Variants in RANBP2 observed in about 807,000 individuals in gnomAD.
RANBP2 encodes E3 SUMO-protein ligase RanBP2.
A neutral mutation model predicts 303.6 loss-of-function variants in RANBP2; 57 were observed. The observed-to-expected ratio is 0.19, with a 90% CI of 0.15 to 0.23. The LOEUF (loss-of-function observed/expected upper bound fraction) is 0.23, where lower values mean the gene tolerates loss of function less well. RANBP2 is among the 10% of genes least tolerant of loss of function. The pLI, the probability that RANBP2 is intolerant of heterozygous loss-of-function variation, is 1.00. For missense variants in RANBP2, 3,138 were observed against 3,780.8 expected (o/e 0.83, Z 4.46); for synonymous variants, 1,167 against 1,301.5 (o/e 0.90, Z 2.23).
At chr2:108,777,039 C>G in intron 24 of RANBP2, 91 bp from the exon 25 acceptor site, 1 of 1,087,530 alleles carries the variant, frequency 9.2e-7, no homozygotes, top group Non-Finnish European at 1.4e-6. Flanking sequence ...CCAGAGTATA[C>G]AAGTCTCTAC....
At chr2:109,506,051 A>C in the RANBP2 span, among the ~76,000 whole-genome samples, 1 of 152,200 alleles carries the variant, frequency 6.6e-6, no homozygotes, top group Non-Finnish European at 1.5e-5. Flanking sequence ...CCATGCTCCT[A>C]AGCAAACAAG....
the RANBP2 span, among the ~76,000 whole-genome samples, chr2:108,899,227 A>C: frequency 5.9e-5 from 9 of 152,266 alleles, no homozygotes; most frequent in African/African-American, 2.2e-4. Context: ...CAGTAGACTT[A>C]TAATCAGAAA....
the RANBP2 span, among the ~76,000 whole-genome samples, chr2:109,477,145 C>T: frequency 6.6e-6 from 1 of 152,134 alleles, no homozygotes; most frequent in Admixed American, 6.5e-5. Context: ...GTTCAAACGC[C>T]TCTGACAATT....
chr2:109,109,306 G>C, the RANBP2 span, among the ~76,000 whole-genome samples: 1 of 152,230 alleles, frequency 6.6e-6, no homozygotes, highest in Non-Finnish European at 1.5e-5. Flanking sequence ...CTTGCCCCCA[G>C]GCACATGATT....
the RANBP2 span, chr2:108,812,579 T>G: frequency 3.7e-6 from 5 of 1,353,568 alleles, no homozygotes; most frequent in Non-Finnish European, 5.3e-6. Flanking sequence ...ACCCTTAGTA[T>G]GAAACCAGTT....
the RANBP2 span, among the ~76,000 whole-genome samples, chr2:109,557,222 A>T: frequency 1.3e-5 from 2 of 152,312 alleles, no homozygotes; most frequent in East Asian, 1.9e-4. Context: ...CATAACAAAC[A>T]TAAGTTTTTT....
chr2:109,431,532 G>A, the RANBP2 span, among the ~76,000 whole-genome samples: 5 of 152,314 alleles, frequency 3.3e-5, no homozygotes, highest in Admixed American at 3.3e-4. Context: ...TAGAGGCACA[G>A]CATCTAAACC....
the RANBP2 span, among the ~76,000 whole-genome samples, chr2:109,256,953 G>C: frequency 6.6e-6 from 1 of 152,192 alleles, no homozygotes; most frequent in East Asian, 1.9e-4. Flanking sequence ...AGGACTAGCA[G>C]CTCTTCATGC....
chr2:109,195,514 A>G, the RANBP2 span, among the ~76,000 whole-genome samples: 1 of 152,112 alleles, frequency 6.6e-6, no homozygotes, highest in Non-Finnish European at 1.5e-5. Flanking sequence ...TTGGAAACCT[A>G]CGTTCTTTAG....
At chr2:108,998,346 C>T in the RANBP2 span, among the ~76,000 whole-genome samples, 4 of 152,206 alleles carry the variant, frequency 2.6e-5, no homozygotes, top group Non-Finnish European at 1.5e-5. Context: ...CTCATTGTTT[C>T]ATCAGCCTGG....
the RANBP2 span, among the ~76,000 whole-genome samples, chr2:109,165,364 G>A: frequency 2.6e-5 from 4 of 152,176 alleles, no homozygotes; most frequent in Non-Finnish European, 4.4e-5. Context: ...AGATGTTGGC[G>A]GATGCTGTCC....
the RANBP2 span, among the ~76,000 whole-genome samples, chr2:109,278,987 C>G: frequency 6.6e-6 from 1 of 152,170 alleles, no homozygotes; most frequent in African/African-American, 2.4e-5. Context: ...TGTAGGTTTC[C>G]TCATTCCAAA....
chr2:109,018,076 C>A, the RANBP2 span, among the ~76,000 whole-genome samples: 1 of 152,074 alleles, frequency 6.6e-6, no homozygotes, highest in Admixed American at 6.6e-5. Flanking sequence ...GGAGTTTGCA[C>A]CAGGAAGCAT....
At chr2:108,894,507 TAAG>T in the RANBP2 span, 94 of 152,566 alleles carry the variant, frequency 6.2e-4, no homozygotes, top group African/African-American at 2.2e-3. Flanking sequence ...TAAAATATAA[TAAG>T]TTATATATAT....
the RANBP2 span, among the ~76,000 whole-genome samples, chr2:109,204,942 T>C: frequency 6.6e-6 from 1 of 152,204 alleles, no homozygotes; most frequent in Non-Finnish European, 1.5e-5. Context: ...GCATGGTGGC[T>C]CATGCCTGTA....
the RANBP2 span, among the ~76,000 whole-genome samples, chr2:109,381,246 G>T: frequency 0.01 from 1,569 of 152,344 alleles, 34 homozygotes; most frequent in African/African-American, 0.036. Context: ...CGTCTGGCCT[G>T]CAGCCGGTGG....
At chr2:109,703,823 C>A in the RANBP2 span, among the ~76,000 whole-genome samples, 1 of 152,218 alleles carries the variant, frequency 6.6e-6, no homozygotes, top group Non-Finnish European at 1.5e-5. Context: ...GAATTATATT[C>A]CTAAAACACC....
chr2:109,310,488 A>G, the RANBP2 span, among the ~76,000 whole-genome samples: 2 of 59,038 alleles, frequency 3.4e-5, no homozygotes, highest in Non-Finnish European at 5.5e-5. Flanking sequence ...AAATAACTAA[A>G]ATCAGAGCAG....
Position 108,749,064 on chromosome 2 carries a change from G to A in RANBP2, c.1208G>A (p.Ser403Asn), listed in dbSNP as rs761672897. 1 of 1,611,828 alleles carries A rather than the reference G, an allele frequency of 6.2e-7. No homozygotes were observed. Among genetic ancestry groups the A allele is most frequent in the Admixed American group, 1.7e-5 (1 of 59,998 alleles). ...CCTAAGGATACATCTTTTCTTGGTA[G>A]CGATGATATTGGAAACATTGATGTA... ...QSPKDTSFLG[S>N]DDIGNIDVRE... The change falls in exon 9 of 29, where the codon AGC becomes AAC. Residue 403 changes from serine (S) to asparagine (N), a missense_variant. Ser to Asn is a conservative substitution (Grantham distance 46, BLOSUM62 1). Coordinates refer to ENST00000283195, the MANE Select transcript of RANBP2 (RefSeq NM_006267.5).
Sources: gnomAD v4.1 joint callset for allele counts (sites outside exome capture counted in the v4.1 genomes callset) on GRCh38, gnomAD v4.1.1 for gene constraint, MANE v1.5 for transcripts, NCBI Gene and HGNC (gene_info 2026-07-23, HGNC 2026-07-21) for gene names.